The following AK8 variants were observed in gnomAD, a reference collection of about 807,000 sequenced individuals.
AK8 encodes adenylate kinase 8, also known as ATP-AMP transphosphorylase 8.
Under a neutral mutation model 54.6 loss-of-function variants are expected in AK8, and 44 were observed. The ratio of observed to expected loss-of-function variants is 0.81; its 90% confidence interval spans 0.63 to 1.04. AK8 has a LOEUF of 1.04. Ranked by LOEUF, AK8 falls within the 50% of genes least tolerant of loss-of-function variation. The pLI is 0.00. For synonymous variants in AK8, 239 were observed against 245.6 expected (o/e 0.97, Z 0.25); for missense variants, 555 against 613.6 (o/e 0.90, Z 1.01).
At chr9:132,768,622 C>G (rs1838822554) in intron 11 of AK8, among the ~76,000 whole-genome samples, 1 of 152,058 alleles carries the variant, frequency 6.6e-6, no homozygotes, top group South Asian at 2.1e-4. Flanking sequence ...TGAATTTTCC[C>G]CAAGGAAATG....
At chr9:132,776,651 C>A (rs1839233715) in intron 11 of AK8, among the ~76,000 whole-genome samples, 1 of 152,204 alleles carries the variant, frequency 6.6e-6, no homozygotes, top group Non-Finnish European at 1.5e-5. Context: ...GATGGAGGAC[C>A]TTTGCTTGAG....
At chr9:132,745,698 C>T (rs1302983101) in intron 11 of AK8, among the ~76,000 whole-genome samples, 1 of 152,280 alleles carries the variant, frequency 6.6e-6, no homozygotes, top group South Asian at 2.1e-4. Flanking sequence ...GTATTGTTCA[C>T]ACCCTGTGTG....
At chr9:132,804,071 G>C (rs1170168975) in intron 10 of AK8, among the ~76,000 whole-genome samples, 1 of 140,102 alleles carries the variant, frequency 7.1e-6, no homozygotes, top group Non-Finnish European at 1.5e-5. Flanking sequence ...GCGCCACTGC[G>C]ATCCAGCCTG....
chr9:132,808,773 G>A (rs907750735), intron 10 of AK8, among the ~76,000 whole-genome samples: 4 of 152,234 alleles, frequency 2.6e-5, no homozygotes, highest in Admixed American at 1.3e-4. Context: ...AAGGTGAGTG[G>A]AGAGAAAGCA....
intron 10 of AK8, 123 bp downstream of exon 10, chr9:132,814,515 C>T: frequency 1.1e-6 from 1 of 952,244 alleles, no homozygotes; most frequent in Non-Finnish European, 1.5e-6. Flanking sequence ...ACAAGAAAAC[C>T]CAATTTCCAT....
chr9:132,777,554 G>A (rs1400176027), intron 11 of AK8, among the ~76,000 whole-genome samples: 1 of 152,218 alleles, frequency 6.6e-6, no homozygotes, highest in Non-Finnish European at 1.5e-5. Context: ...CAGTTGTACA[G>A]AGTATTTTCC....
At chr9:132,754,953 C>T (rs958435824) in intron 11 of AK8, among the ~76,000 whole-genome samples, 4 of 152,122 alleles carry the variant, frequency 2.6e-5, no homozygotes, top group African/African-American at 9.7e-5. Flanking sequence ...GCATGTGCCA[C>T]CACGCCAGGC....
At chr9:132,848,396 G>A (rs141843301) in intron 5 of AK8, among the ~76,000 whole-genome samples, 7 of 152,222 alleles carry the variant, frequency 4.6e-5, no homozygotes, top group East Asian at 1.9e-4. Flanking sequence ...AATAGTGACC[G>A]ACTGATGGGT....
intron 1 of AK8, 119 bp from the exon 2 acceptor site, chr9:132,875,318 G>T: frequency 6.7e-7 from 1 of 1,496,246 alleles, no homozygotes; most frequent in South Asian, 1.3e-5. Flanking sequence ...CCTTCAACCT[G>T]GGACCCAGCC....
Position 132,860,862 on chromosome 9 carries a change from C to T in AK8, c.333+2803G>A, listed in dbSNP as rs75723012. Among the ~76,000 whole-genome samples, 3,397 of 152,260 alleles carry T rather than the reference C, an allele frequency of 0.022. 128 individuals are homozygous for T. Among genetic ancestry groups the T allele is most frequent in the African/African-American group, 0.078 (3,228 of 41,522 alleles). ...ATTGTGGGGCAGAGTCTTATGTTTA[C>T]AGGAGGTCTTGCCATTGTCCACACT... On this transcript the variant is annotated intron_variant, in intron 4 of 12. Coordinates refer to ENST00000298545, the MANE Select transcript of AK8 (RefSeq NM_152572.3). The surrounding 1 kb of genome is among the most constrained non-coding windows in gnomAD (Gnocchi z 4.4).
At chr9:132,851,424 C>A (rs1211629330) in intron 5 of AK8, among the ~76,000 whole-genome samples, 1 of 152,224 alleles carries the variant, frequency 6.6e-6, no homozygotes, top group Non-Finnish European at 1.5e-5. Flanking sequence ...GGATAAATAA[C>A]CTCAGTTTTC....
chr9:132,863,861 C>A, intron 3 of AK8, 83 bp from the exon 4 acceptor site: 1 of 1,078,848 alleles, frequency 9.3e-7, no homozygotes. Flanking sequence ...CTGGTCCTTC[C>A]CTCTCCTATG....
Position 132,837,776 on chromosome 9 carries a change from G to A in AK8, c.403-9050C>T, listed in dbSNP as rs1564430473. Among the ~76,000 whole-genome samples, 1 of 152,120 alleles carries A rather than the reference G, an allele frequency of 6.6e-6. No homozygotes were observed. Among genetic ancestry groups the A allele is most frequent in the Non-Finnish European group, 1.5e-5 (1 of 68,028 alleles). ...CGCCTCAGCATCAGGGTCTCTTACA[G>A]AAACACCCACAAATAAGGGGGCACA... On this transcript the variant is annotated intron_variant, in intron 5 of 12. Coordinates refer to ENST00000298545, the MANE Select transcript of AK8 (RefSeq NM_152572.3). This position sits in a 1 kb window ranked among gnomAD's most constrained non-coding sequence, Gnocchi z 4.3.
chr9:132,816,223 G>A (rs945073841), intron 9 of AK8, among the ~76,000 whole-genome samples: 2 of 151,864 alleles, frequency 1.3e-5, no homozygotes, highest in Admixed American at 6.6e-5. Context: ...GTGTGGTGGT[G>A]GAAGCCTGTA....
intron 4 of AK8, 143 bp downstream of exon 4, chr9:132,863,522 C>G: frequency 1.6e-6 from 1 of 628,520 alleles, no homozygotes; most frequent in Non-Finnish European, 2.8e-6. Context: ...TCACACCCTG[C>G]CTGTATCTCA....
intron 11 of AK8, among the ~76,000 whole-genome samples, chr9:132,745,613 A>G (rs10125615): frequency 0.41 from 62,378 of 151,852 alleles, 13,082 homozygotes; most frequent in Admixed American, 0.55. Flanking sequence ...CCGGATGCTG[A>G]CTTCATGACC....
chr9:132,834,284 G>A (rs1000789488), intron 5 of AK8, among the ~76,000 whole-genome samples: 40 of 152,268 alleles, frequency 2.6e-4, no homozygotes, highest in African/African-American at 8.9e-4. Context: ...AAAGCCAATC[G>A]GTGAGAACAA....
chr9:132,804,862 G>C (rs1430632541), intron 10 of AK8, among the ~76,000 whole-genome samples: 2 of 152,082 alleles, frequency 1.3e-5, no homozygotes, highest in Non-Finnish European at 2.9e-5. Flanking sequence ...AGGGTCACTG[G>C]GGCCACCTCT....
At chr9:132,875,244 G>A in intron 1 of AK8, 45 bp from the exon 2 acceptor site, 1 of 1,608,270 alleles carries the variant, frequency 6.2e-7, no homozygotes. Context: ...ACCTGCAAGG[G>A]CACCTGGTCA....
Sources: gnomAD v4.1 joint callset for allele counts (sites outside exome capture counted in the v4.1 genomes callset) on GRCh38, gnomAD v4.1.1 for gene constraint, Gnocchi (gnomAD v3.1) non-coding constraint, MANE v1.5 for transcripts, NCBI Gene and HGNC (gene_info 2026-07-23, HGNC 2026-07-21) for gene names.